The following CHD6 variants were observed in gnomAD, a reference collection of about 807,000 sequenced individuals.
CHD6 encodes chromodomain helicase DNA binding protein 6.
In CHD6, 50 loss-of-function variants were observed where a neutral mutation model predicts 276.9. The ratio of observed to expected loss-of-function variants is 0.18; its 90% CI spans 0.14 to 0.23. The LOEUF is 0.23. CHD6 is among the 10% of genes least tolerant of loss of function. The pLI, the probability that CHD6 is intolerant of heterozygous loss-of-function variation, is 1.00. For missense variants in CHD6, 2,564 were observed against 3,365.8 expected, an observed-to-expected ratio of 0.76 and a Z score of 5.89; for synonymous variants, 1,173 against 1,229.3, an observed-to-expected ratio of 0.95 and a Z score of 0.96.
chr20:41,487,487 A>G (rs1469367039), intron 14 of CHD6, among the ~76,000 whole-genome samples, 178 bp downstream of exon 14: 1 of 152,216 alleles, frequency 6.6e-6, no homozygotes, highest in Admixed American at 6.5e-5. Context: ...GGGCAATAAG[A>G]ACTGCTAATA....
At chr20:41,454,269 T>C (rs1372664497) in intron 20 of CHD6, among the ~76,000 whole-genome samples, 1 of 152,262 alleles carries the variant, frequency 6.6e-6, no homozygotes, top group African/African-American at 2.4e-5. Context: ...TTTTTCCCTC[T>C]ATTATGTGTG....
At position 41,533,203 on chromosome 20, in the gene CHD6, T is replaced by C; in HGVS notation, c.401A>G (p.Lys134Arg). The change falls in exon 3 of 37, where the codon AAG becomes AGG. Residue 134 changes from lysine to arginine, a missense_variant. Lys to Arg is a conservative substitution (Grantham distance 26). Around this residue, in one of 7 missense-constraint regions of CHD6, gnomAD observed 286 missense variants for 297.8 expected, o/e 0.96. Coordinates refer to ENST00000373233, the MANE Select transcript of CHD6 (RefSeq NM_032221.5). ...PKEPKEPRKA[K>R]EPKKAKEHKE... ...GTGCTCCTTGGCCTTCTTCGGCTCC[T>C]TGGCCTTTCTGGGTTCCTTTGGCTC... The C allele has an allele frequency of 6.2e-7, 1 of 1,613,860 alleles. No individual in the cohort carries two copies. The highest frequency in any genetic ancestry group is 2.2e-5 in the East Asian group (1 of 44,884).
chr20:41,512,580 G>GAAT (rs1348520091), intron 5 of CHD6, among the ~76,000 whole-genome samples: 1 of 151,956 alleles, frequency 6.6e-6, no homozygotes, highest in East Asian at 1.9e-4. Flanking sequence ...TCTTTTGGCT[G>GAAT]GAGAGTAATG....
chr20:41,532,088 C>CA (rs1366833968), intron 3 of CHD6, among the ~76,000 whole-genome samples: 1 of 152,150 alleles, frequency 6.6e-6, no homozygotes, highest in Non-Finnish European at 1.5e-5. Context: ...AATTTAGAAA[C>CA]AAAATGAGAA....
chr20:41,439,993 T>C lies in CHD6; in HGVS notation c.4007+7A>G. On this transcript the variant is annotated splice_region_variant and intron_variant, in intron 26 of 36. Coordinates refer to ENST00000373233, the MANE Select transcript of CHD6 (RefSeq NM_032221.5). ...TCACATGAGGGCTGGCCTACGTGGC[T>C]TCTCACCTTTCAGGAATGTCTGAGG... 3.1e-6 allele frequency: 5 copies of C among 1,613,780 alleles called. No homozygotes were observed. The highest frequency in any genetic ancestry group is 1.7e-4 in the Middle Eastern group (1 of 5,986).
intron 3 of CHD6, among the ~76,000 whole-genome samples, chr20:41,517,330 C>T (rs2044276393): frequency 6.6e-6 from 1 of 152,094 alleles, no homozygotes; most frequent in Non-Finnish European, 1.5e-5. Flanking sequence ...CTAATGGATA[C>T]TAGGCTTAAT....
intron 1 of CHD6, among the ~76,000 whole-genome samples, chr20:41,557,039 T>C (rs534998974): frequency 6.6e-5 from 10 of 152,188 alleles, no homozygotes; most frequent in African/African-American, 2.4e-4. Flanking sequence ...TCTGGCTCAA[T>C]AAAGAACAAA....
chr20:41,403,228 T>C lies in CHD6; in HGVS notation c.*1365A>G, dbSNP rs954244585. The C allele has an allele frequency of 2.1e-5, 22 of 1,052,248 alleles. No homozygotes were observed. Among genetic ancestry groups the C allele is most frequent in the South Asian group, 4.6e-5 (1 of 21,776 alleles). The allele number at this position is 1,052,248 out of a possible 1,614,324, so 65.2% of individuals were successfully genotyped here. The stretch of plus-strand genomic sequence containing the variant: ...AAAGTGAAACTGGTACTAGTAACAC[T>C]TGCAACATTTCCAAGGGTCCTGCGC... On this transcript the variant is annotated 3_prime_UTR_variant, in exon 37 of 37. Transcript: ENST00000373233.
At chr20:41,511,107 T>A (rs995914858) in intron 5 of CHD6, among the ~76,000 whole-genome samples, 3 of 152,234 alleles carry the variant, frequency 2.0e-5, no homozygotes, top group Admixed American at 6.5e-5. Flanking sequence ...CCTGCTACTT[T>A]CCATGCAAAC....
chr20:41,468,329 T>C (rs1050207844), intron 17 of CHD6, among the ~76,000 whole-genome samples: 1 of 152,076 alleles, frequency 6.6e-6, no homozygotes, highest in African/African-American at 2.4e-5. Context: ...AGGCTGGTCT[T>C]GAACTCCTGA....
At chr20:41,590,805 T>A (rs2045649337) in intron 1 of CHD6, among the ~76,000 whole-genome samples, 1 of 151,806 alleles carries the variant, frequency 6.6e-6, no homozygotes, top group Non-Finnish European at 1.5e-5. Flanking sequence ...AGTGTGGCGA[T>A]TCCTCAGGGA....
At chr20:41,560,489 G>A (rs2045290292) in intron 1 of CHD6, among the ~76,000 whole-genome samples, 1 of 152,146 alleles carries the variant, frequency 6.6e-6, no homozygotes, top group African/African-American at 2.4e-5. Context: ...CTTGTGATAG[G>A]CACTAAACTA....
intron 14 of CHD6, among the ~76,000 whole-genome samples, chr20:41,485,362 C>T (rs1196758820): frequency 6.6e-6 from 1 of 152,070 alleles, no homozygotes; most frequent in African/African-American, 2.4e-5. Flanking sequence ...AAACATGATA[C>T]CGGTAAGATT....
chr20:41,415,465 G>A lies in CHD6; in HGVS notation c.6660C>T (p.Ser2220=). Residue 2220 remains serine, a synonymous_variant, in exon 34 of 37, where the codon TCC becomes TCT. Coordinates refer to ENST00000373233, the MANE Select transcript of CHD6 (RefSeq NM_032221.5). ...GWHGESAMDL[S]CSSEGSPGAT... is the part of the protein sequence containing the mutation. ...CTCCTGGGGACCCCTCTGATGAGCA[G>A]GAGAGGTCCATAGCTGACTCCCCAT... 1 of 1,613,174 alleles carries A rather than the reference G, an allele frequency of 6.2e-7. No homozygotes were observed. Among genetic ancestry groups the A allele is most frequent in the Non-Finnish European group, 8.5e-7 (1 of 1,179,562 alleles).
Position 41,415,586 on chromosome 20 carries a change from G to C in CHD6, c.6539C>G (p.Pro2180Arg), listed in dbSNP as rs1290504611. 6.2e-7 allele frequency: 1 copy of C among 1,611,980 alleles called. No individual in the cohort carries two copies. The highest frequency in any genetic ancestry group is 8.5e-7 in the Non-Finnish European group (1 of 1,179,362). Residue 2180 changes from proline (P) to arginine (R), a missense_variant, in exon 34 of 37, where the codon CCC (proline) becomes CGC (arginine). Pro to Arg is a moderately radical substitution (Grantham distance 103). Transcript: ENST00000373233. ...ATCCCTCTCCACCTCAAACTCATAGGGACGCCTGTGCTTTTGTTCATCCTT... is the reference window on the plus strand; with the variant it reads ...ATCCCTCTCCACCTCAAACTCATAGCGACGCCTGTGCTTTTGTTCATCCTT... Reference protein sequence around the residue: ...FTKDEQKHRRPYEFEVERDAK... With the variant: ...FTKDEQKHRRRYEFEVERDAK...
chr20:41,484,466 G>A lies in CHD6; in HGVS notation c.2143C>T (p.Leu715Phe). 1 of 1,613,870 alleles carries A rather than the reference G, an allele frequency of 6.2e-7. No homozygotes were observed. Among genetic ancestry groups the A allele is most frequent in the Non-Finnish European group, 8.5e-7 (1 of 1,179,864 alleles). Residue 715 changes from leucine to phenylalanine, a missense_variant, in exon 15 of 37, where the codon CTC becomes TTC. By Grantham distance (22) the Leu-to-Phe change is conservative. Coordinates refer to ENST00000373233, the MANE Select transcript of CHD6 (RefSeq NM_032221.5). The stretch of plus-strand genomic sequence containing the variant: ...GTCAGGAAGGAAAAGTTCTTCTCGA[G>A]GATGGCACGGTAGTACTTTTTCTGG... ...NIQKKYYRAI[L>F]EKNFSFLTKG...
chr20:41,405,549 G>A, intron 36 of CHD6, 60 bp from the exon 37 acceptor site: 1 of 1,343,884 alleles, frequency 7.4e-7, no homozygotes, highest in Non-Finnish European at 1.0e-6. Context: ...GGTCAGCTGA[G>A]GGTGATGACC....
intron 1 of CHD6, among the ~76,000 whole-genome samples, chr20:41,579,790 T>C (rs898828516): frequency 1.3e-5 from 2 of 152,188 alleles, no homozygotes; most frequent in African/African-American, 4.8e-5. Flanking sequence ...TAAAACATGT[T>C]TTTAAACATG....
chr20:41,478,516 GTCTT>G (rs1480090928), intron 16 of CHD6, among the ~76,000 whole-genome samples: 2 of 152,170 alleles, frequency 1.3e-5, no homozygotes, highest in Admixed American at 1.3e-4. Context: ...AAAAGCTGTT[GTCTT>G]TCTGACACAC....
Sources: allele counts gnomAD v4.1 joint callset (sites outside exome capture counted in the v4.1 genomes callset), GRCh38; gene constraint gnomAD v4.1.1; regional missense constraint gnomAD v4.1.1; transcripts MANE v1.5; gene names NCBI Gene and HGNC (gene_info 2026-07-23, HGNC 2026-07-21).